Variants in CREB5 observed in about 807,000 individuals in gnomAD.
CREB5 encodes cyclic AMP-responsive element-binding protein 5.
In CREB5, 19 loss-of-function variants were observed where a neutral mutation model predicts 57.1. That is an observed-to-expected ratio of 0.33 (90% CI 0.23 to 0.49). The LOEUF (loss-of-function observed/expected upper bound fraction) is 0.49. Among genes scored for constraint, CREB5 ranks in the 20% least tolerant of loss-of-function variants. The pLI is 0.99. For synonymous variants in CREB5, 238 were observed against 238.3 expected (o/e 1.00, Z 0.01); for missense variants, 579 against 671.6 (o/e 0.86, Z 1.52).
intron 5 of CREB5, among the ~76,000 whole-genome samples, chr7:28,579,299 A>G (rs1796028943): frequency 6.6e-6 from 1 of 152,230 alleles, no homozygotes; most frequent in African/African-American, 2.4e-5. Context: ...GAATTCTACA[A>G]AACGCATTCA....
chr7:28,756,381 C>T (rs971050234), intron 7 of CREB5, among the ~76,000 whole-genome samples: 1 of 151,954 alleles, frequency 6.6e-6, no homozygotes, highest in South Asian at 2.1e-4. Context: ...GGAGAAACCC[C>T]GTCTCTACTT....
intron 5 of CREB5, among the ~76,000 whole-genome samples, chr7:28,691,525 C>A (rs953379286): frequency 2.6e-5 from 4 of 151,544 alleles, no homozygotes; most frequent in Admixed American, 6.6e-5. Flanking sequence ...CTCCCTCTCA[C>A]ATATATTTTC....
intron 4 of CREB5, among the ~76,000 whole-genome samples, chr7:28,510,139 A>G (rs923868703): frequency 1.3e-5 from 2 of 152,144 alleles, no homozygotes; most frequent in African/African-American, 4.8e-5. Flanking sequence ...CCCCCGCCTG[A>G]CAATATTCTT....
chr7:28,545,666 G>A (rs1168704344), intron 4 of CREB5, among the ~76,000 whole-genome samples: 1 of 152,196 alleles, frequency 6.6e-6, no homozygotes, highest in Non-Finnish European at 1.5e-5. Context: ...GGTACAGAGA[G>A]TTGAATTAAT....
At chr7:28,623,414 A>G in intron 5 of CREB5, among the ~76,000 whole-genome samples, 1 of 152,346 alleles carries the variant, frequency 6.6e-6, no homozygotes, top group South Asian at 2.1e-4. Flanking sequence ...ATGTCAAAAT[A>G]GCTTTATAGA....
At chr7:28,464,495 G>A (rs1446778553) in intron 1 of CREB5, among the ~76,000 whole-genome samples, 1 of 121,526 alleles carries the variant, frequency 8.2e-6, no homozygotes, top group Non-Finnish European at 1.7e-5. Flanking sequence ...GTGGAAAGTT[G>A]CGTGTGTGTG....
At chr7:28,694,682 C>G (rs1399151052) in intron 5 of CREB5, among the ~76,000 whole-genome samples, 1 of 152,126 alleles carries the variant, frequency 6.6e-6, no homozygotes, top group Non-Finnish European at 1.5e-5. Flanking sequence ...GTAGCTGGAG[C>G]TACAGGTGCA....
At chr7:28,681,087 G>A (rs1233784779) in intron 5 of CREB5, among the ~76,000 whole-genome samples, 1 of 148,936 alleles carries the variant, frequency 6.7e-6, no homozygotes, top group Non-Finnish European at 1.5e-5. Flanking sequence ...CCTGCTGTGG[G>A]GGTCCAAAAA....
At position 28,804,450 on chromosome 7, in the gene CREB5, C is replaced by T; in HGVS notation, c.954C>T (p.Ser318=). Residue 318 remains serine, a synonymous_variant, in exon 8 of 11, where the codon TCC becomes TCT. Coordinates refer to ENST00000357727, the MANE Select transcript of CREB5 (RefSeq NM_182898.4). ...ACCATCCACATCACCACTCCCATTC[C>T]CACCTTCATGCACACCCAGCACATC... ...QQNHPHHHSH[S]HLHAHPAHHQ... 6.2e-7 allele frequency: 1 copy of T among 1,614,112 alleles called. No individual in the cohort carries two copies. Among genetic ancestry groups the T allele is most frequent in the Admixed American group, 1.7e-5 (1 of 60,004 alleles).
At chr7:28,795,856 C>T (rs184094189) in intron 7 of CREB5, among the ~76,000 whole-genome samples, 1 of 151,370 alleles carries the variant, frequency 6.6e-6, no homozygotes, top group East Asian at 2.0e-4. Context: ...GGAATTCAAG[C>T]AATTCTCCTG....
At chr7:28,390,408 A>G (rs1205751723) in intron 1 of CREB5, among the ~76,000 whole-genome samples, 2 of 152,194 alleles carry the variant, frequency 1.3e-5, no homozygotes, top group Non-Finnish European at 2.9e-5. Flanking sequence ...ATAAACTGTT[A>G]ATAACCTTAT....
upstream of CREB5, chr7:28,410,468 C>T (rs1357925086): frequency 4.4e-6 from 2 of 456,688 alleles, no homozygotes; most frequent in South Asian, 1.5e-5. Context: ...AAGGAAGGAA[C>T]CAAGGAGATG....
chr7:28,470,697 G>A (rs1485201114), intron 1 of CREB5, among the ~76,000 whole-genome samples: 1 of 152,184 alleles, frequency 6.6e-6, no homozygotes, highest in Non-Finnish European at 1.5e-5. Context: ...CCCACCAACA[G>A]TGTATGAGGG....
chr7:28,560,913 T>TGTGTGC (rs1211404751), intron 4 of CREB5, among the ~76,000 whole-genome samples: 2 of 21,994 alleles, frequency 9.1e-5, no homozygotes, highest in African/African-American at 3.3e-4. Context: ...CGCGTGCGTG[T>TGTGTGC]GCGTGTGTGC....
chr7:28,394,754 AT>A (rs944641403), intron 1 of CREB5, among the ~76,000 whole-genome samples: 6 of 152,200 alleles, frequency 3.9e-5, no homozygotes, highest in Non-Finnish European at 5.9e-5. Flanking sequence ...TTCAAGTCTG[AT>A]TTGGCTTCAC....
intron 4 of CREB5, among the ~76,000 whole-genome samples, chr7:28,521,177 AGT>A (rs10538692): frequency 0.56 from 84,881 of 151,782 alleles, 25,288 homozygotes; most frequent in East Asian, 0.72. Context: ...CGTGTGTATA[AGT>A]GTGTGTGTGT....
chr7:28,542,649 T>C (rs1311723679), intron 4 of CREB5, among the ~76,000 whole-genome samples: 1 of 152,138 alleles, frequency 6.6e-6, no homozygotes, highest in South Asian at 2.1e-4. Context: ...AGTGCCCTTT[T>C]GTGCCACTGT....
At chr7:28,597,360 T>C (rs1024892198) in intron 5 of CREB5, among the ~76,000 whole-genome samples, 1 of 152,182 alleles carries the variant, frequency 6.6e-6, no homozygotes, top group South Asian at 2.1e-4. Context: ...GATCTCCTGG[T>C]CTTGGTCTCA....
Position 28,560,877 on chromosome 7 carries a change from T to TGC in CREB5, c.292-9486_292-9485dup, listed in dbSNP as rs1252188779. On this transcript the variant is annotated intron_variant, in intron 4 of 10. Transcript: ENST00000357727. ...GTGTGTGCGTGTGCCTGCGTGCGCGTGCGTGCGTGCGTGTGTGTGCGTGCG... is the reference window on the plus strand; with the variant it reads ...GTGTGTGCGTGTGCCTGCGTGCGCGTGCGCGTGCGTGCGTGTGTGTGCGTGCG... 4.9e-4 allele frequency among the ~76,000 whole-genome samples: 15 copies of TGC among 30,862 alleles called. 2 individuals carry two copies. The highest frequency in any genetic ancestry group is 4.6e-3 in the South Asian group (2 of 434). 20.2% of individuals were successfully genotyped at this position (30,862 alleles called of 152,430 possible).
Sources: gnomAD v4.1 joint callset for allele counts (sites outside exome capture counted in the v4.1 genomes callset) on GRCh38, gnomAD v4.1.1 for gene constraint, MANE v1.5 for transcripts, NCBI Gene and HGNC (gene_info 2026-07-23, HGNC 2026-07-21) for gene names.